POLN: variants seen among roughly 807,000 people sequenced by gnomAD.
POLN encodes the protein DNA polymerase nu, also known as DNA polymerase N.
In POLN, 108 loss-of-function variants were observed where a neutral mutation model predicts 113.5. The ratio of observed to expected loss-of-function variants is 0.95; its 90% confidence interval spans 0.81 to 1.12. The LOEUF (loss-of-function observed/expected upper bound fraction) is 1.12, where lower values mean the gene tolerates loss of function less well. Ranked by LOEUF, POLN falls within the 50% of genes most tolerant of loss-of-function variation. POLN has a pLI of 0.00. For missense variants in POLN, 1,097 were observed against 1,077.1 expected (o/e 1.02, Z -0.26); for synonymous variants, 386 against 391.5 (o/e 0.99, Z 0.17).
Position 2,157,312 on chromosome 4 carries a change from G to T in POLN, c.1666-459C>A, listed in dbSNP as rs200965130. Among the ~76,000 whole-genome samples, 320 of 152,314 alleles carry T rather than the reference G, an allele frequency of 2.1e-3. 1 individual carries two copies. The highest frequency in any genetic ancestry group is 7.3e-3 in the African/African-American group (305 of 41,566). ...GAGTCCAGAACAGAGATGCAATCGT[G>T]GATGTGAAAGCAGGTCAGCTAGAGC... On this transcript the variant is annotated intron_variant, in intron 15 of 25. Transcript: ENST00000511885.
chr4:2,136,507 T>C (rs1186381600), intron 16 of POLN, among the ~76,000 whole-genome samples: 1 of 152,236 alleles, frequency 6.6e-6, no homozygotes, highest in African/African-American at 2.4e-5. Context: ...CTTGGTATGT[T>C]TTTGCAAATA....
rs754663295 is a variant in POLN, at chr4:2,072,146, G to GTGGGGGC, written c.2664_2670dup (p.Pro891AlafsTer71). 2 of 1,612,910 alleles carry GTGGGGGC rather than the reference G, an allele frequency of 1.2e-6. No homozygotes were observed. Among genetic ancestry groups the GTGGGGGC allele is most frequent in the Non-Finnish European group, 1.7e-6 (2 of 1,179,838 alleles). On this transcript the variant is annotated frameshift_variant, in exon 26 of 26. Coordinates refer to ENST00000511885, the MANE Select transcript of POLN (RefSeq NM_181808.4). LOFTEE classifies it high-confidence loss of function. ...CAAAATGAAGGCGAAAAATGCAGGG[G>GTGGGGGC]TGGGGGCTGGGTGCTGGCAGGGGAC...
At chr4:2,188,532 C>T (rs1733340944) in intron 7 of POLN, among the ~76,000 whole-genome samples, 2 of 151,376 alleles carry the variant, frequency 1.3e-5, no homozygotes, top group Admixed American at 6.6e-5. Context: ...ACCTGGGAGG[C>T]GGAGCTTGCA....
chr4:2,095,921 G>C lies in POLN; in HGVS notation c.1995C>G (p.Pro665=). 3.1e-6 allele frequency: 5 copies of C among 1,614,062 alleles called. No homozygotes were observed. The highest frequency in any genetic ancestry group is 2.5e-6 in the Non-Finnish European group (3 of 1,179,996). The change falls in exon 20 of 26, where the codon CCC becomes CCG. Residue 665 remains proline, a synonymous_variant. Coordinates refer to ENST00000511885, the MANE Select transcript of POLN (RefSeq NM_181808.4). ...STLTSQWKDV[P]VEQVTHADRE... ...TGTCTGCGTGTGTCACCTGTTCCAC[G>C]GGCACATCCTTCCTGCATGGAGAGA...
At chr4:2,078,551 G>T in intron 23 of POLN, 12 of 979,588 alleles carry the variant, frequency 1.2e-5, no homozygotes, top group Non-Finnish European at 1.3e-5. Flanking sequence ...GCTCACTCTA[G>T]GGGCACCGTG....
Position 2,107,115 on chromosome 4 carries a change from C to A in POLN, c.1983-11182G>T, listed in dbSNP as rs904124522. Among the ~76,000 whole-genome samples, 5 of 151,990 alleles carry A rather than the reference C, an allele frequency of 3.3e-5. No homozygotes were observed. In the East Asian group the frequency reaches 7.7e-4, roughly 23 times the overall value. ...ATATATATTTTCTTTTTCATTGCAC[C>A]TTTTCTTCCAATACATTTTCTAACT... On this transcript the variant is annotated intron_variant, in intron 19 of 25. Transcript: ENST00000511885.
At chr4:2,095,456 T>C (rs1730763169) in intron 20 of POLN, among the ~76,000 whole-genome samples, 1 of 152,152 alleles carries the variant, frequency 6.6e-6, no homozygotes, top group Admixed American at 6.5e-5. Flanking sequence ...ATGGGGTGCA[T>C]GTTGAGATGT....
chr4:2,128,178 CG>C lies in POLN; in HGVS notation c.1916del (p.Pro639ArgfsTer4). 1 of 1,612,654 alleles carries C rather than the reference CG, an allele frequency of 6.2e-7. No individual in the cohort carries two copies. The highest frequency in any genetic ancestry group is 8.5e-7 in the Non-Finnish European group (1 of 1,178,802). On this transcript the variant is annotated frameshift_variant, in exon 19 of 26. Coordinates refer to ENST00000511885, the MANE Select transcript of POLN (RefSeq NM_181808.4). LOFTEE classifies it high-confidence loss of function. ...LRILTHLSGD[P>X]ELLKLFQESE... ...ATTCCTGGAATAACTTCAGAAGTTC[CG>C]GATCTCCAGATAAATGTGTAAGAAT...
intron 3 of POLN, among the ~76,000 whole-genome samples, chr4:2,219,031 G>A (rs920481779): frequency 2.0e-5 from 3 of 152,196 alleles, no homozygotes; most frequent in African/African-American, 7.2e-5. Flanking sequence ...TGGGAAGGCA[G>A]TTTCAGCGTC....
In POLN at chr4:2,208,324, G is replaced by T; in HGVS notation, c.377C>A (p.Ala126Asp). Residue 126 changes from alanine (A) to aspartate (D), a missense_variant, in exon 5 of 26, where the codon GCT (alanine) becomes GAT (aspartate). Physicochemically the swap from Ala to Asp is moderately radical, Grantham distance 126 (BLOSUM62 -2). Coordinates refer to ENST00000511885, the MANE Select transcript of POLN (RefSeq NM_181808.4). ...SCLIPQYNQE[A>D]SVLQKKGHKR... Reference sequence around the variant, plus strand: ...ATGCCCCTTTTTCTGTAGAACTGAAGCCTCTTGATTATACTGTGGAATTAA... The same window carrying T: ...ATGCCCCTTTTTCTGTAGAACTGAATCCTCTTGATTATACTGTGGAATTAA... The T allele has an allele frequency of 6.2e-7, 1 of 1,610,184 alleles. No homozygotes were observed. The highest frequency in any genetic ancestry group is 8.5e-7 in the Non-Finnish European group (1 of 1,178,690).
chr4:2,128,295 C>T lies in POLN; in HGVS notation c.1868-68G>A, dbSNP rs933678725. ...TGTTCCTCGTGTTTGCTGCGCACCC[C>T]GGCCACCCTCAGACTCTCCTGACTC... On this transcript the variant is annotated intron_variant, in intron 18 of 25. Transcript: ENST00000511885. 2.0e-5 allele frequency: 19 copies of T among 967,100 alleles called. No homozygotes were observed. The East Asian group carries it at 2.1e-4, about 11-fold the overall frequency. 59.9% of individuals were successfully genotyped at this position (967,100 alleles called of 1,614,324 possible).
intron 16 of POLN, among the ~76,000 whole-genome samples, chr4:2,154,724 A>G (rs1732381883): frequency 6.6e-6 from 1 of 152,230 alleles, no homozygotes; most frequent in East Asian, 1.9e-4. Context: ...TGAAGTTTGT[A>G]TGGTATTGCT....
chr4:2,233,592 A>C (rs1004079184), intron 2 of POLN, among the ~76,000 whole-genome samples: 5 of 152,244 alleles, frequency 3.3e-5, no homozygotes, highest in African/African-American at 1.2e-4. Flanking sequence ...GAGTCAAAAA[A>C]TAACAGAAGA....
In POLN at chr4:2,208,123, A is replaced by C. The variant is rs1733898811; in HGVS notation, c.578T>G (p.Leu193Trp). The C allele has an allele frequency of 1.2e-6, 2 of 1,614,068 alleles. No individual in the cohort carries two copies. The highest frequency in any genetic ancestry group is 2.7e-5 in the African/African-American group (2 of 74,928). ...GYLNSGNSGA[L>W]KKHFCDIRHL... ...CCTAATATCACAAAAATGTTTTTTCAATGCTCCTGAGTTCCCAGAATTTAG... is the reference window on the plus strand; with the variant it reads ...CCTAATATCACAAAAATGTTTTTTCCATGCTCCTGAGTTCCCAGAATTTAG... The change falls in exon 5 of 26, where the codon TTG becomes TGG. Residue 193 changes from leucine to tryptophan, a missense_variant. Physicochemically the swap from Leu to Trp is moderately conservative, Grantham distance 61. Coordinates refer to ENST00000511885, the MANE Select transcript of POLN (RefSeq NM_181808.4).
rs756394220 is a variant in POLN at position 2,072,273 on chromosome 4, G to A, written c.2544C>T (p.Ala848=). The change falls in exon 26 of 26, where the codon GCC becomes GCT. Residue 848 remains alanine (A), a synonymous_variant. Transcript: ENST00000511885. The part of the protein sequence containing the change: ...LQVPLKVSLS[A]GRSWGHLVPL... ...GCACCAGGTGTCCCCATGAGCGGCC[G>A]GCACTCAGGCTCACCTTGAGGGGTA... 38 of 1,589,422 alleles carry A rather than the reference G, an allele frequency of 2.4e-5. No individual in the cohort carries two copies. The highest frequency in any genetic ancestry group is 5.6e-5 in the South Asian group (5 of 89,796).
intron 3 of POLN, among the ~76,000 whole-genome samples, chr4:2,215,760 A>G (rs76457638): frequency 0.04 from 6,134 of 152,250 alleles, 446 homozygotes; most frequent in African/African-American, 0.14. Flanking sequence ...CAGCTCCTGT[A>G]GGATTCTGGC....
At position 2,232,328 on chromosome 4, in the gene POLN, CTAAG is replaced by C. The variant is rs368462099; in HGVS notation, c.-12-3089_-12-3086del. On this transcript the variant is annotated intron_variant, in intron 2 of 25. Transcript: ENST00000511885. ...ATCCATAACAGGTTTAATATAAATT[CTAAG>C]TAAGATTAATTGCAACAACTTCTGA... Among the ~76,000 whole-genome samples, 330 of 152,208 alleles carry C rather than the reference CTAAG, an allele frequency of 2.2e-3. 2 individuals are homozygous for C. The highest frequency in any genetic ancestry group is 7.5e-3 in the African/African-American group (310 of 41,520).
At position 2,170,753 on chromosome 4, in the gene POLN, G is replaced by A; in HGVS notation, c.1480C>T (p.Leu494=). The A allele has an allele frequency of 6.2e-7, 1 of 1,614,144 alleles. No homozygotes were observed. The highest frequency in any genetic ancestry group is 1.1e-5 in the South Asian group (1 of 91,074). ...LREILFGKLK[L]HLLSQRNSLP... ...CTGTTCCTTTGACTCAGCAGGTGCA[G>A]CTTTAACTTGCCAAAGAGGATCTTC... The change falls in exon 13 of 26, where the codon CTG becomes TTG. Residue 494 remains leucine (L), a synonymous_variant. Transcript: ENST00000511885.
chr4:2,225,901 T>C (rs542852005), intron 3 of POLN, among the ~76,000 whole-genome samples: 20 of 151,890 alleles, frequency 1.3e-4, no homozygotes, highest in African/African-American at 4.1e-4. Flanking sequence ...CTCAGGAGGC[T>C]GAGGTGGGAA....
Sources: gnomAD v4.1 joint callset for allele counts (sites outside exome capture counted in the v4.1 genomes callset) on GRCh38, gnomAD v4.1.1 for gene constraint, MANE v1.5 for transcripts, NCBI Gene and HGNC (gene_info 2026-07-23, HGNC 2026-07-21) for gene names.